CWC27: variants seen among roughly 807,000 people sequenced by gnomAD.
CWC27 encodes spliceosome-associated protein CWC27 homolog.
A neutral mutation model predicts 63.6 loss-of-function variants in CWC27; 47 were observed. The ratio of observed to expected loss-of-function variants is 0.74; its 90% CI spans 0.58 to 0.94. The LOEUF (loss-of-function observed/expected upper bound fraction) is 0.94, where lower values mean the gene tolerates loss of function less well. CWC27 is among the 40% of genes least tolerant of loss of function. CWC27 has a pLI of 0.00. For synonymous variants in CWC27, 175 were observed against 179.8 expected (o/e 0.97, Z 0.22); for missense variants, 495 against 554.3 (o/e 0.89, Z 1.07).
At chr5:64,832,102 TC>T (rs1383738800) in intron 10 of CWC27, among the ~76,000 whole-genome samples, 1 of 151,922 alleles carries the variant, frequency 6.6e-6, no homozygotes, top group Non-Finnish European at 1.5e-5. Flanking sequence ...AATAAACCCT[TC>T]CTAGTCTCTT....
chr5:64,867,143 C>G (rs767403823), intron 10 of CWC27, among the ~76,000 whole-genome samples: 4 of 152,018 alleles, frequency 2.6e-5, no homozygotes, highest in Admixed American at 6.6e-5. Flanking sequence ...GGATATTCCT[C>G]CTTTTCACAT....
At chr5:64,879,524 G>T (rs959937515) in intron 10 of CWC27, among the ~76,000 whole-genome samples, 1 of 151,812 alleles carries the variant, frequency 6.6e-6, no homozygotes, top group South Asian at 2.1e-4. Flanking sequence ...CAAAGAGGTA[G>T]GATAAGATCC....
chr5:64,792,300 C>T (rs1156348155), intron 7 of CWC27, among the ~76,000 whole-genome samples: 3 of 152,216 alleles, frequency 2.0e-5, no homozygotes, highest in Non-Finnish European at 2.9e-5. Flanking sequence ...GGAAGCTGTA[C>T]TTTTAATGAA....
At chr5:64,897,793 A>G (rs1469785649) in intron 11 of CWC27, among the ~76,000 whole-genome samples, 2 of 152,204 alleles carry the variant, frequency 1.3e-5, no homozygotes, top group African/African-American at 4.8e-5. Context: ...AAAATGTATT[A>G]CTAGGCCTAG....
intron 2 of CWC27, among the ~76,000 whole-genome samples, chr5:64,778,137 C>T (rs920941916): frequency 5.9e-5 from 9 of 152,016 alleles, no homozygotes; most frequent in East Asian, 3.8e-4. Context: ...GTCCTTTTTC[C>T]GTCACAGGTA....
chr5:64,916,812 T>C (rs1747895753), intron 11 of CWC27, among the ~76,000 whole-genome samples: 1 of 152,154 alleles, frequency 6.6e-6, no homozygotes, highest in Non-Finnish European at 1.5e-5. Flanking sequence ...GTTCATTTGT[T>C]TATTGCGAGG....
chr5:64,926,516 C>T (rs1024165295), intron 11 of CWC27, among the ~76,000 whole-genome samples: 8 of 151,792 alleles, frequency 5.3e-5, no homozygotes, highest in African/African-American at 1.7e-4. Context: ...TTATATTCTA[C>T]GCATTTTTCA....
chr5:64,820,211 T>G (rs1254513123), intron 10 of CWC27, among the ~76,000 whole-genome samples: 1 of 152,110 alleles, frequency 6.6e-6, no homozygotes, highest in Non-Finnish European at 1.5e-5. Flanking sequence ...TGGAAACAAA[T>G]AAAACCTTAC....
intron 10 of CWC27, among the ~76,000 whole-genome samples, chr5:64,865,331 T>C (rs1746507545): frequency 6.6e-6 from 1 of 152,066 alleles, no homozygotes; most frequent in South Asian, 2.1e-4. Flanking sequence ...TTCTCAGTCT[T>C]TTTCTAAGAA....
intron 13 of CWC27, among the ~76,000 whole-genome samples, chr5:65,017,937 C>T (rs1332389183): frequency 6.6e-6 from 1 of 152,208 alleles, no homozygotes; most frequent in Non-Finnish European, 1.5e-5. Flanking sequence ...AAGAGACTCT[C>T]TACTAGAAAT....
At chr5:64,855,407 A>G (rs192019455) in intron 10 of CWC27, among the ~76,000 whole-genome samples, 281 of 152,252 alleles carry the variant, frequency 1.8e-3, no homozygotes, top group Non-Finnish European at 3.2e-3. Context: ...ACTTCCCATT[A>G]TATAGATAAT....
intron 13 of CWC27, among the ~76,000 whole-genome samples, chr5:65,009,755 T>G (rs1749913508): frequency 6.6e-6 from 1 of 152,234 alleles, no homozygotes; most frequent in Non-Finnish European, 1.5e-5. Flanking sequence ...CACTGACTGA[T>G]GGCACCTTGA....
At chr5:64,947,147 C>A (rs1202618754) in intron 11 of CWC27, among the ~76,000 whole-genome samples, 1 of 152,074 alleles carries the variant, frequency 6.6e-6, no homozygotes, top group Non-Finnish European at 1.5e-5. Flanking sequence ...ACTGCTGCTT[C>A]CTAAAAAGGA....
intron 10 of CWC27, among the ~76,000 whole-genome samples, chr5:64,835,066 A>T (rs1343941578): frequency 4.6e-5 from 7 of 151,790 alleles, no homozygotes; most frequent in African/African-American, 1.7e-4. Context: ...ATAATTTTAT[A>T]AAAAATATTT....
chr5:64,960,037 C>G (rs2112432658), intron 11 of CWC27, among the ~76,000 whole-genome samples: 1 of 152,302 alleles, frequency 6.6e-6, no homozygotes, highest in South Asian at 2.1e-4. Flanking sequence ...CTAGGTAGAA[C>G]TTAACTGAGT....
chr5:64,948,572 G>A (rs914661606), intron 11 of CWC27, among the ~76,000 whole-genome samples: 5 of 151,876 alleles, frequency 3.3e-5, no homozygotes, highest in Non-Finnish European at 5.9e-5. Context: ...AAATCCATTA[G>A]ACACTTACCT....
chr5:64,876,032 C>T (rs776953784), intron 10 of CWC27, among the ~76,000 whole-genome samples: 2 of 151,988 alleles, frequency 1.3e-5, no homozygotes, highest in Non-Finnish European at 2.9e-5. Context: ...CTTAGTTGTC[C>T]AATGCGGTAC....
intron 11 of CWC27, among the ~76,000 whole-genome samples, chr5:64,922,889 G>A (rs145993223): frequency 8.5e-5 from 13 of 152,278 alleles, no homozygotes; most frequent in African/African-American, 2.4e-4. Context: ...TGGAGGGCGC[G>A]GGCTCAGCTT....
At chr5:65,013,938 C>G (rs556645419) in intron 13 of CWC27, among the ~76,000 whole-genome samples, 10 of 152,014 alleles carry the variant, frequency 6.6e-5, no homozygotes, top group Non-Finnish European at 1.3e-4. Flanking sequence ...AGAATCAGTT[C>G]CTCTCTTGAT....
Sources: allele counts gnomAD v4.1 joint callset (sites outside exome capture counted in the v4.1 genomes callset), GRCh38; gene constraint gnomAD v4.1.1; transcripts MANE v1.5; gene names NCBI Gene and HGNC (gene_info 2026-07-23, HGNC 2026-07-21).